TRAPPC9: variants seen among roughly 807,000 people sequenced by gnomAD.
The protein encoded by TRAPPC9 is IKK2 binding protein.
A neutral mutation model predicts 124.0 loss-of-function variants in TRAPPC9; 83 were observed. The ratio of observed to expected loss-of-function variants is 0.67; its 90% CI spans 0.56 to 0.80. TRAPPC9 has a LOEUF of 0.80. TRAPPC9 is among the 30% of genes least tolerant of loss of function. The pLI is 0.00. For synonymous variants in TRAPPC9, 638 were observed against 617.5 expected, an observed-to-expected ratio of 1.03 and a Z score of -0.49; for missense variants, 1,302 against 1,508.3, an observed-to-expected ratio of 0.86 and a Z score of 2.27.
At chr8:140,035,940 C>T (rs1033174623) in intron 17 of TRAPPC9, among the ~76,000 whole-genome samples, 1 of 152,240 alleles carries the variant, frequency 6.6e-6, no homozygotes, top group Non-Finnish European at 1.5e-5. Context: ...CCTTTCTTGG[C>T]ATCAGCTTTC....
intron 19 of TRAPPC9, among the ~76,000 whole-genome samples, chr8:139,977,119 T>C (rs1473953693): frequency 2.0e-5 from 3 of 152,234 alleles, no homozygotes; most frequent in South Asian, 4.1e-4. Flanking sequence ...TAAAGCACTT[T>C]CATATTTTGT....
chr8:139,956,759 C>A (rs545362112), intron 19 of TRAPPC9, among the ~76,000 whole-genome samples: 10 of 152,338 alleles, frequency 6.6e-5, no homozygotes, highest in Non-Finnish European at 1.0e-4. Context: ...TGTGCCACCC[C>A]GGGCAGGTCC....
At chr8:140,305,522 G>A (rs779626955) in intron 10 of TRAPPC9, among the ~76,000 whole-genome samples, 38 of 152,188 alleles carry the variant, frequency 2.5e-4, no homozygotes, top group Middle Eastern at 3.4e-3. Flanking sequence ...GGCTGGTCTC[G>A]AACTCCTGAG....
At chr8:139,802,791 G>GCTT (rs1377043501) in intron 21 of TRAPPC9, among the ~76,000 whole-genome samples, 1 of 152,160 alleles carries the variant, frequency 6.6e-6, no homozygotes, top group Non-Finnish European at 1.5e-5. Context: ...TTGAAGCTTT[G>GCTT]CAGTGTAGGC....
intron 8 of TRAPPC9, among the ~76,000 whole-genome samples, chr8:140,365,743 A>T (rs1588223554): frequency 1.3e-5 from 2 of 152,246 alleles, no homozygotes; most frequent in African/African-American, 4.8e-5. Flanking sequence ...GTGAACAATC[A>T]ATTTTTTGTA....
At chr8:140,184,266 A>G (rs1007561751) in intron 17 of TRAPPC9, among the ~76,000 whole-genome samples, 5 of 152,186 alleles carry the variant, frequency 3.3e-5, no homozygotes, top group African/African-American at 1.2e-4. Context: ...TTCCATTTTA[A>G]AAGTGTTATA....
At chr8:139,980,292 G>A (rs2085926) in intron 19 of TRAPPC9, among the ~76,000 whole-genome samples, 37,552 of 152,056 alleles carry the variant, frequency 0.25, 5,755 homozygotes, top group East Asian at 0.42. Flanking sequence ...TTCACTAAGC[G>A]GGTGGCTCCT....
At chr8:139,774,268 G>A (rs891614777) in intron 21 of TRAPPC9, among the ~76,000 whole-genome samples, 2 of 152,200 alleles carry the variant, frequency 1.3e-5, no homozygotes, top group African/African-American at 2.4e-5. Flanking sequence ...GACTGTGGGT[G>A]GTGACACCGA....
intron 17 of TRAPPC9, among the ~76,000 whole-genome samples, chr8:140,114,310 C>T (rs889078885): frequency 7.4e-5 from 7 of 94,738 alleles, no homozygotes; most frequent in Non-Finnish European, 1.2e-4. Flanking sequence ...GTGATGGGTT[C>T]ATAAGGACGA....
intron 21 of TRAPPC9, among the ~76,000 whole-genome samples, chr8:139,781,723 T>G (rs767725995): frequency 7.2e-5 from 11 of 152,268 alleles, no homozygotes; most frequent in Non-Finnish European, 1.2e-4. Flanking sequence ...TGTTTGTGTG[T>G]GTGCCTGTGT....
Position 139,768,981 on chromosome 8 carries a change from A to G in TRAPPC9, c.3056-36779T>C, listed in dbSNP as rs943154715. 2.0e-5 allele frequency among the ~76,000 whole-genome samples: 3 copies of G among 152,248 alleles called. No homozygotes were observed. The East Asian group carries it at 5.8e-4, about 29-fold the overall frequency. ...ACACAGGAAGAAGGCAGTCGTCTAC[A>G]GGCCAAGGAGCGAGGCCTCAGAAGA... On this transcript the variant is annotated intron_variant, in intron 21 of 22. Coordinates refer to ENST00000438773, the MANE Select transcript of TRAPPC9 (RefSeq NM_001160372.4).
At chr8:140,266,741 T>C (rs1018874993) in intron 15 of TRAPPC9, among the ~76,000 whole-genome samples, 1 of 147,854 alleles carries the variant, frequency 6.8e-6, no homozygotes, top group Non-Finnish European at 1.5e-5. Context: ...GTGCCTGTAG[T>C]CCCAGCTACT....
chr8:140,335,285 T>C (rs1367704118), intron 9 of TRAPPC9, among the ~76,000 whole-genome samples: 2 of 152,166 alleles, frequency 1.3e-5, no homozygotes, highest in East Asian at 1.9e-4. Context: ...TCTACTGCAC[T>C]ATTCCAAGTA....
chr8:140,045,643 A>C lies in TRAPPC9; in HGVS notation c.2557-21564T>G, dbSNP rs1301768067. Reference sequence around the variant, plus strand: ...CTCCATCTCGGCAGAAAAAAAAAAAAAAAAAAAAAAAAAAAACCAAGTCAG... The same window carrying C: ...CTCCATCTCGGCAGAAAAAAAAAAACAAAAAAAAAAAAAAAACCAAGTCAG... On this transcript the variant is annotated intron_variant, in intron 17 of 22. Transcript: ENST00000438773. Among the ~76,000 whole-genome samples, 14 of 139,908 alleles carry C rather than the reference A, an allele frequency of 1.0e-4. 1 individual carries two copies. In the East Asian group the frequency reaches 2.5e-3, roughly 25 times the overall value. 91.8% of individuals were successfully genotyped at this position (139,908 alleles called of 152,430 possible).
At chr8:139,835,839 C>T (rs904868201) in intron 21 of TRAPPC9, among the ~76,000 whole-genome samples, 12 of 151,912 alleles carry the variant, frequency 7.9e-5, no homozygotes, top group African/African-American at 1.4e-4. Context: ...GCTCCGAGGA[C>T]GGCAGAGAGT....
chr8:140,208,709 G>A (rs12717826), intron 17 of TRAPPC9, among the ~76,000 whole-genome samples: 27,368 of 152,268 alleles, frequency 0.18, 3,063 homozygotes, highest in Middle Eastern at 0.36. Context: ...TGGAAGTGCA[G>A]AGGTTCCTGT....
chr8:140,166,606 C>G (rs1280302985), intron 17 of TRAPPC9, among the ~76,000 whole-genome samples: 1 of 152,196 alleles, frequency 6.6e-6, no homozygotes, highest in Non-Finnish European at 1.5e-5. Context: ...ATCTCAGGGT[C>G]TGGCAACATG....
chr8:140,034,831 C>T (rs866865058), intron 17 of TRAPPC9, among the ~76,000 whole-genome samples: 9 of 152,228 alleles, frequency 5.9e-5, no homozygotes, highest in African/African-American at 1.9e-4. Flanking sequence ...GGTCTGAGTC[C>T]GAAGGTCCTG....
chr8:139,871,096 C>T (rs933305453), intron 21 of TRAPPC9, among the ~76,000 whole-genome samples: 21 of 152,176 alleles, frequency 1.4e-4, no homozygotes, highest in African/African-American at 4.1e-4. Context: ...TGTGTGAGGA[C>T]TGTGTGACAT....
Sources: gnomAD v4.1 joint callset for allele counts (sites outside exome capture counted in the v4.1 genomes callset) on GRCh38, gnomAD v4.1.1 for gene constraint, MANE v1.5 for transcripts, NCBI Gene and HGNC (gene_info 2026-07-23, HGNC 2026-07-21) for gene names.